Variants in NEO1 observed in about 807,000 individuals in gnomAD.
NEO1 encodes neogenin.
Under a neutral mutation model 159.7 loss-of-function variants are expected in NEO1, and 63 were observed. The ratio of observed to expected loss-of-function variants is 0.39; its 90% CI spans 0.32 to 0.49. The LOEUF (loss-of-function observed/expected upper bound fraction) is 0.49. Among genes scored for constraint, NEO1 ranks in the 20% least tolerant of loss-of-function variants. NEO1 has a pLI of 0.85. For missense variants in NEO1, 1,615 were observed against 1,831.0 expected (o/e 0.88, Z 2.15); for synonymous variants, 633 against 662.0 (o/e 0.96, Z 0.67).
intron 7 of NEO1, among the ~76,000 whole-genome samples, chr15:73,212,589 T>G (rs2037642709): frequency 6.6e-6 from 1 of 152,212 alleles, no homozygotes; most frequent in African/African-American, 2.4e-5. Flanking sequence ...GAAGACAGTA[T>G]TTGGCATCAT....
chr15:73,209,947 G>A (rs2037460049), intron 7 of NEO1, among the ~76,000 whole-genome samples: 1 of 152,042 alleles, frequency 6.6e-6, no homozygotes, highest in African/African-American at 2.4e-5. Flanking sequence ...AGGTTGCAGG[G>A]AGCCGAGATC....
At chr15:73,273,790 C>T (rs1596552562) in intron 19 of NEO1, 21 bp from the exon 20 acceptor site, 1 of 1,578,512 alleles carries the variant, frequency 6.3e-7, no homozygotes, top group Non-Finnish European at 8.6e-7. Context: ...GATTTCTTTT[C>T]CCATTAATTC....
chr15:73,289,598 G>A (rs890401280), intron 25 of NEO1, among the ~76,000 whole-genome samples: 10 of 152,172 alleles, frequency 6.6e-5, no homozygotes, highest in African/African-American at 1.7e-4. Flanking sequence ...TTTTCATTAC[G>A]CTGCCTGACA....
intron 5 of NEO1, among the ~76,000 whole-genome samples, chr15:73,152,579 C>T (rs2033460746): frequency 6.6e-6 from 1 of 152,190 alleles, no homozygotes; most frequent in African/African-American, 2.4e-5. Context: ...GTGAGCCGCT[C>T]CAGCAAATTA....
At chr15:73,196,146 A>G (rs116177096) in intron 7 of NEO1, among the ~76,000 whole-genome samples, 493 of 152,306 alleles carry the variant, frequency 3.2e-3, no homozygotes, top group African/African-American at 0.011. Context: ...AGAGAAGGCT[A>G]TCTTTTTTCT....
At chr15:73,301,704 G>C (rs955063911) in intron 28 of NEO1, among the ~76,000 whole-genome samples, 4 of 150,300 alleles carry the variant, frequency 2.7e-5, no homozygotes, top group Non-Finnish European at 1.5e-5. Context: ...ATCTTGCTCT[G>C]TCTCCCAGGC....
At position 73,244,518 on chromosome 15, in the gene NEO1, G is replaced by A; in HGVS notation, c.1606+20G>A. 6.2e-7 allele frequency: 1 copy of A among 1,611,178 alleles called. No homozygotes were observed. The highest frequency in any genetic ancestry group is 1.7e-5 in the Admixed American group (1 of 59,888). ...CTGAGGGTAAGTCTTCCACCTGTCTGTCAGCACCCCCTAGAGGTAGACCTC... is the reference window on the plus strand; with the variant it reads ...CTGAGGGTAAGTCTTCCACCTGTCTATCAGCACCCCCTAGAGGTAGACCTC... On this transcript the variant is annotated intron_variant, in intron 9 of 28. Coordinates refer to ENST00000261908, the MANE Select transcript of NEO1 (RefSeq NM_002499.4).
intron 7 of NEO1, among the ~76,000 whole-genome samples, chr15:73,223,981 T>C (rs1478396732): frequency 6.6e-6 from 1 of 152,240 alleles, no homozygotes; most frequent in East Asian, 1.9e-4. Flanking sequence ...AGCGGTCTCG[T>C]AGAGGTGGCT....
At chr15:73,072,013 C>T (rs778451975) in intron 1 of NEO1, among the ~76,000 whole-genome samples, 6 of 151,928 alleles carry the variant, frequency 3.9e-5, no homozygotes, top group Non-Finnish European at 5.9e-5. Flanking sequence ...TGCAATGGGC[C>T]GATCTTGGCC....
intron 28 of NEO1, among the ~76,000 whole-genome samples, chr15:73,301,923 C>T (rs1215189846): frequency 6.6e-6 from 1 of 152,226 alleles, no homozygotes; most frequent in South Asian, 2.1e-4. Flanking sequence ...CCTGCCTCAG[C>T]CTCCCAAAGT....
intron 1 of NEO1, among the ~76,000 whole-genome samples, chr15:73,072,747 T>G (rs1022967372): frequency 3.9e-5 from 6 of 152,214 alleles, no homozygotes; most frequent in African/African-American, 1.4e-4. Flanking sequence ...TCATGTTTCA[T>G]ACTTAGGCCC....
At chr15:73,265,320 C>T (rs1047066753) in intron 15 of NEO1, among the ~76,000 whole-genome samples, 1 of 152,078 alleles carries the variant, frequency 6.6e-6, no homozygotes, top group East Asian at 1.9e-4. Context: ...ACACTGGAGC[C>T]GATCTGAAGC....
chr15:73,098,930 A>G (rs761353568), intron 1 of NEO1, among the ~76,000 whole-genome samples: 2 of 152,178 alleles, frequency 1.3e-5, no homozygotes, highest in Non-Finnish European at 2.9e-5. Flanking sequence ...TTTTGCCAAT[A>G]TGATAGGTGA....
intron 5 of NEO1, among the ~76,000 whole-genome samples, chr15:73,153,008 C>T (rs142516071): frequency 8.3e-4 from 126 of 152,232 alleles, no homozygotes; most frequent in African/African-American, 2.9e-3. Flanking sequence ...TTCTGGAGAC[C>T]TGAGAAAGCC....
Position 73,068,848 on chromosome 15 carries a change from G to GT in NEO1, c.130+16052dup, listed in dbSNP as rs201644142. 1.3e-3 allele frequency among the ~76,000 whole-genome samples: 190 copies of GT among 149,468 alleles called. 3 individuals are homozygous for GT. The East Asian group carries it at 0.014, about 11-fold the overall frequency. On this transcript the variant is annotated intron_variant, in intron 1 of 28. Transcript: ENST00000261908. Reference sequence around the variant, plus strand: ...GTCTGATCCAATTAAAAAGAATAGTGTTTTTTTTTAACTTTTATGTACATT... The same window carrying GT: ...GTCTGATCCAATTAAAAAGAATAGTGTTTTTTTTTTAACTTTTATGTACATT...
chr15:73,075,650 G>A (rs2068735492), intron 1 of NEO1, among the ~76,000 whole-genome samples: 2 of 105,526 alleles, frequency 1.9e-5, no homozygotes, highest in Admixed American at 2.1e-4. Flanking sequence ...CACTGGCCAT[G>A]TGAAGATTGA....
chr15:73,188,937 TA>T (rs562385868), intron 7 of NEO1, among the ~76,000 whole-genome samples: 104 of 144,690 alleles, frequency 7.2e-4, no homozygotes, highest in Middle Eastern at 3.5e-3. Context: ...CACAAAAAGT[TA>T]AAAAAAAAAA....
intron 1 of NEO1, among the ~76,000 whole-genome samples, chr15:73,087,632 A>C (rs567628688): frequency 5.3e-4 from 81 of 152,292 alleles, no homozygotes; most frequent in African/African-American, 1.8e-3. Context: ...GTCTTCTACA[A>C]GATAAATTTA....
chr15:73,294,879 A>G (rs895534488), intron 26 of NEO1, among the ~76,000 whole-genome samples: 6 of 152,038 alleles, frequency 3.9e-5, no homozygotes, highest in African/African-American at 1.4e-4. Flanking sequence ...AACATACCCA[A>G]AACATCAAAT....
Sources: allele counts gnomAD v4.1 joint callset (sites outside exome capture counted in the v4.1 genomes callset), GRCh38; gene constraint gnomAD v4.1.1; transcripts MANE v1.5; gene names NCBI Gene and HGNC (gene_info 2026-07-23, HGNC 2026-07-21).